The following CDH13 variants were observed in gnomAD, a reference collection of about 807,000 sequenced individuals.
The protein encoded by CDH13 is cadherin 13.
Under a neutral mutation model 63.8 loss-of-function variants are expected in CDH13, and 24 were observed. The observed-to-expected ratio is 0.38, with a 90% CI of 0.27 to 0.53. The LOEUF (loss-of-function observed/expected upper bound fraction) is 0.53, where lower values mean the gene tolerates loss of function less well. CDH13 is among the 20% of genes least tolerant of loss of function. The pLI is 0.85. For missense variants in CDH13, 1,049 were observed against 903.1 expected (o/e 1.16, Z -2.07); for synonymous variants, 503 against 355.3 (o/e 1.42, Z -4.67).
intron 2 of CDH13, among the ~76,000 whole-genome samples, chr16:82,986,671 C>G (rs1407571952): frequency 1.3e-5 from 2 of 152,166 alleles, no homozygotes; most frequent in Non-Finnish European, 2.9e-5. Flanking sequence ...CAAGTCCAAC[C>G]ACACAAACAT....
chr16:83,472,638 G>T (rs575979592), intron 6 of CDH13, among the ~76,000 whole-genome samples: 1 of 152,268 alleles, frequency 6.6e-6, no homozygotes, highest in African/African-American at 2.4e-5. Flanking sequence ...TCTTCTGCCA[G>T]GTTGTTTCTA....
intron 5 of CDH13, among the ~76,000 whole-genome samples, chr16:83,267,794 G>C (rs914446710): frequency 1.3e-5 from 2 of 152,202 alleles, no homozygotes; most frequent in East Asian, 3.9e-4. Context: ...AAATGACCCA[G>C]TCATTTTATT....
At chr16:83,526,244 T>G (rs976699200) in intron 7 of CDH13, among the ~76,000 whole-genome samples, 2 of 152,118 alleles carry the variant, frequency 1.3e-5, no homozygotes, top group South Asian at 4.2e-4. Context: ...TTTTGTTTTG[T>G]TTTTTTCCTC....
intron 5 of CDH13, among the ~76,000 whole-genome samples, chr16:83,281,842 AG>A (rs1468618238): frequency 6.6e-6 from 1 of 152,092 alleles, no homozygotes; most frequent in African/African-American, 2.4e-5. Flanking sequence ...GAACCCAAGA[AG>A]CAAAGGTTGC....
intron 8 of CDH13, among the ~76,000 whole-genome samples, chr16:83,649,965 T>C (rs1055087746): frequency 3.3e-5 from 5 of 152,204 alleles, no homozygotes; most frequent in Admixed American, 6.5e-5. Context: ...TTTTTCTTCA[T>C]TGTCAAGTAA....
intron 1 of CDH13, among the ~76,000 whole-genome samples, chr16:82,731,124 G>T (rs1310041656): frequency 6.6e-6 from 1 of 152,162 alleles, no homozygotes; most frequent in Non-Finnish European, 1.5e-5. Flanking sequence ...TTATATGACA[G>T]GAACTGGCAA....
intron 3 of CDH13, among the ~76,000 whole-genome samples, chr16:83,124,715 C>G (rs1002517580): frequency 6.6e-6 from 1 of 152,054 alleles, no homozygotes; most frequent in Non-Finnish European, 1.5e-5. Flanking sequence ...TCCAATTTCA[C>G]TCTTAGGTAT....
At position 83,307,569 on chromosome 16, in the gene CDH13, C is replaced by T. The variant is rs141490813; in HGVS notation, c.637-37293C>T. Among the ~76,000 whole-genome samples, 759 of 152,300 alleles carry T rather than the reference C, an allele frequency of 5.0e-3. 1 individual carries two copies. Among genetic ancestry groups the T allele is most frequent in the Non-Finnish European group, 6.8e-3 (463 of 68,036 alleles). ...TCAGGGCCAGGAAAGCTCTATTTAA[C>T]CATGAATTTCCTCCCTTGGGGTTTC... On this transcript the variant is annotated intron_variant, in intron 5 of 13. Transcript: ENST00000567109.
chr16:83,661,156 G>T (rs965779672), intron 8 of CDH13, among the ~76,000 whole-genome samples: 1 of 151,822 alleles, frequency 6.6e-6, no homozygotes, highest in Non-Finnish European at 1.5e-5. Flanking sequence ...TTATTTGAAG[G>T]AAAATGTTTG....
intron 7 of CDH13, among the ~76,000 whole-genome samples, chr16:83,543,920 C>T (rs927936030): frequency 3.9e-5 from 6 of 152,200 alleles, no homozygotes; most frequent in African/African-American, 1.4e-4. Context: ...GACTTCTGAG[C>T]CACCCCATCA....
intron 7 of CDH13, among the ~76,000 whole-genome samples, chr16:83,585,900 G>A (rs563949178): frequency 6.6e-6 from 1 of 152,290 alleles, no homozygotes; most frequent in South Asian, 2.1e-4. Flanking sequence ...GCAGTTGAGA[G>A]TATAAGGTAC....
intron 1 of CDH13, among the ~76,000 whole-genome samples, chr16:82,660,204 T>A (rs768823069): frequency 5.3e-5 from 8 of 152,120 alleles, no homozygotes; most frequent in African/African-American, 7.2e-5. Flanking sequence ...AACCAGGGAA[T>A]CTCAACAAAT....
intron 3 of CDH13, among the ~76,000 whole-genome samples, chr16:83,067,715 C>G (rs1324122356): frequency 6.6e-6 from 1 of 152,024 alleles, no homozygotes; most frequent in East Asian, 1.9e-4. Flanking sequence ...AATACTGAAA[C>G]AGAATAGGAT....
At position 83,653,958 on chromosome 16, in the gene CDH13, G is replaced by T. The variant is rs71402092; in HGVS notation, c.1102-16832G>T. On this transcript the variant is annotated intron_variant, in intron 8 of 13. Transcript: ENST00000567109. ...ATAGGGGAATATGTCCTTGGAGAGTGAAATGAACGAGTGGCTAGGAACACA... is the reference window on the plus strand; with the variant it reads ...ATAGGGGAATATGTCCTTGGAGAGTTAAATGAACGAGTGGCTAGGAACACA... Among the ~76,000 whole-genome samples the T allele has an allele frequency of 1.9e-3, 287 of 152,254 alleles. 1 individual carries two copies. Among genetic ancestry groups the T allele is most frequent in the Non-Finnish European group, 3.5e-3 (237 of 68,026 alleles).
At chr16:83,612,153 C>G (rs892734513) in intron 8 of CDH13, among the ~76,000 whole-genome samples, 2 of 152,028 alleles carry the variant, frequency 1.3e-5, no homozygotes, top group Admixed American at 6.6e-5. Context: ...CCTGTTGGTA[C>G]TATTAAATTT....
At chr16:83,708,611 C>A (rs1019132600) in intron 10 of CDH13, among the ~76,000 whole-genome samples, 9 of 152,182 alleles carry the variant, frequency 5.9e-5, no homozygotes, top group Non-Finnish European at 1.2e-4. Context: ...CCAAAGCTGT[C>A]CACATCCTAG....
At chr16:83,757,419 C>A (rs1358069613) in intron 11 of CDH13, among the ~76,000 whole-genome samples, 6 of 151,602 alleles carry the variant, frequency 4.0e-5, no homozygotes, top group African/African-American at 1.5e-4. Flanking sequence ...CTCTACCAAA[C>A]GTACAAAGAT....
chr16:83,216,427 T>TATATATATAAATATAA (rs1555513893), intron 4 of CDH13, among the ~76,000 whole-genome samples: 1 of 45,056 alleles, frequency 2.2e-5, no homozygotes, highest in Admixed American at 3.8e-4. Context: ...TATATATATA[T>TATATATATAAATATAA]ATATATATAT....
At chr16:83,094,996 G>C (rs1415531192) in intron 3 of CDH13, among the ~76,000 whole-genome samples, 1 of 152,162 alleles carries the variant, frequency 6.6e-6, no homozygotes, top group Non-Finnish European at 1.5e-5. Flanking sequence ...TTAATCATCA[G>C]AGCAGTATCT....
Sources: gnomAD v4.1 joint callset for allele counts (sites outside exome capture counted in the v4.1 genomes callset) on GRCh38, gnomAD v4.1.1 for gene constraint, MANE v1.5 for transcripts, NCBI Gene and HGNC (gene_info 2026-07-23, HGNC 2026-07-21) for gene names.